Variants in PSG9 observed in about 807,000 individuals in gnomAD.
The protein encoded by PSG9 is pregnancy specific beta-1-glycoprotein 9.
A neutral mutation model predicts 41.9 loss-of-function variants in PSG9; 49 were observed. That is an observed-to-expected ratio of 1.17 (90% CI 0.93 to 1.48). The LOEUF (loss-of-function observed/expected upper bound fraction) is 1.48. Ranked by LOEUF, PSG9 falls within the 40% of genes most tolerant of loss-of-function variation. The pLI is 0.00. For missense variants in PSG9, 641 were observed against 520.3 expected (o/e 1.23, Z -2.26); for synonymous variants, 263 against 196.8 (o/e 1.34, Z -2.82).
Position 43,268,135 on chromosome 19 carries a change from A to G in PSG9, c.79T>C (p.Phe27Leu). The stretch of plus-strand genomic sequence containing the variant: ...TCGGCAGTGGTGGGCGGGTTCCAGA[A>G]GTTTAAAAGTGATGCTAGGAGGGGG... ...GLLLTASLLN[F>L]WNPPTTAEVT... The change falls in exon 2 of 6, where the codon TTC (phenylalanine) becomes CTC (leucine). Residue 27 changes from phenylalanine (F) to leucine (L), a missense_variant. Physicochemically the swap from Phe to Leu is conservative, Grantham distance 22. Coordinates refer to ENST00000270077, the MANE Select transcript of PSG9 (RefSeq NM_002784.5). 1 of 1,605,850 alleles carries G rather than the reference A, an allele frequency of 6.2e-7. No homozygotes were observed. Among genetic ancestry groups the G allele is most frequent in the Non-Finnish European group, 8.5e-7 (1 of 1,176,104 alleles).
At position 43,267,853 on chromosome 19, in the gene PSG9, T is replaced by C. The variant is rs1658765025; in HGVS notation, c.361A>G (p.Thr121Ala). ...TCACCTCGCTTTATGATGTGTAAGGTGTAGGTTCCTGCATCCTTCCGGGTG... is the reference window on the plus strand; with the variant it reads ...TCACCTCGCTTTATGATGTGTAAGGCGTAGGTTCCTGCATCCTTCCGGGTG... Reference protein sequence around the residue: ...NVTRKDAGTYTLHIIKRGDET... With the variant: ...NVTRKDAGTYALHIIKRGDET... Residue 121 changes from threonine (T) to alanine (A), a missense_variant, in exon 2 of 6, where the codon ACC becomes GCC. Physicochemically the swap from Thr to Ala is moderately conservative, Grantham distance 58. Coordinates refer to ENST00000270077, the MANE Select transcript of PSG9 (RefSeq NM_002784.5). The C allele has an allele frequency of 6.2e-7, 1 of 1,613,620 alleles. No homozygotes were observed. Among genetic ancestry groups the C allele is most frequent in the Non-Finnish European group, 8.5e-7 (1 of 1,179,752 alleles).
chr19:43,254,195 G>T (rs954606805), intron 5 of PSG9, among the ~76,000 whole-genome samples: 2 of 146,046 alleles, frequency 1.4e-5, no homozygotes, highest in South Asian at 2.2e-4. Flanking sequence ...TCTCATTTAA[G>T]CCACACAATA....
At chr19:43,257,720 G>A in intron 5 of PSG9, 5 of 1,159,908 alleles carry the variant, frequency 4.3e-6, no homozygotes, top group Non-Finnish European at 5.3e-6. Context: ...GGAGCCCGGA[G>A]CAGAGCAGGA....
intron 2 of PSG9, among the ~76,000 whole-genome samples, chr19:43,266,665 A>G (rs1026515364): frequency 2.6e-5 from 4 of 152,112 alleles, no homozygotes; most frequent in African/African-American, 4.8e-5. Flanking sequence ...TCAGCTGACC[A>G]TTTGCTCTCA....
In PSG9 at chr19:43,259,118, A is replaced by G. The variant is rs1968588527; in HGVS notation, c.727T>C (p.Tyr243His). The part of the protein sequence containing the change: ...LNLLPKLPIP[Y>H]ITINNLNPRE... ...GGGTTTAAGTTGTTGATGGTGATGTAGGGGATGGGCAGCTTCGCTGTGTGG... is the reference window on the plus strand; with the variant it reads ...GGGTTTAAGTTGTTGATGGTGATGTGGGGGATGGGCAGCTTCGCTGTGTGG... The change falls in exon 4 of 6, where the codon TAC (tyrosine) becomes CAC (histidine). Residue 243 changes from tyrosine to histidine, a missense_variant. Physicochemically the swap from Tyr to His is moderately conservative, Grantham distance 83 (BLOSUM62 2). Coordinates refer to ENST00000270077, the MANE Select transcript of PSG9 (RefSeq NM_002784.5). 1.3e-6 allele frequency: 2 copies of G among 1,590,668 alleles called. No individual in the cohort carries two copies. The highest frequency in any genetic ancestry group is 1.7e-6 in the Non-Finnish European group (2 of 1,174,354).
chr19:43,258,726 G>T (rs1168630219), intron 4 of PSG9, 131 bp downstream of exon 4: 4 of 1,448,564 alleles, frequency 2.8e-6, no homozygotes, highest in Non-Finnish European at 3.7e-6. Flanking sequence ...AGGGCAGGGA[G>T]TCATGGCCAC....
In PSG9 at chr19:43,259,249, G is replaced by A. The variant is rs918975639; in HGVS notation, c.710-114C>T. The A allele has an allele frequency of 3.6e-5, 53 of 1,459,800 alleles. 4 individuals carry two copies. The Admixed American group carries it at 1.0e-3, about 28-fold the overall frequency. The allele number at this position is 1,459,800 out of a possible 1,614,324, so 90.4% of individuals were successfully genotyped here. On this transcript the variant is annotated intron_variant, in intron 3 of 5. Transcript: ENST00000270077. ...TCTCAGCCCACCCGAGTCCTTGAAAGCCAATAGCTGGTGCGTGTGTCACAA... is the reference window on the plus strand; with the variant it reads ...TCTCAGCCCACCCGAGTCCTTGAAAACCAATAGCTGGTGCGTGTGTCACAA...
intron 2 of PSG9, among the ~76,000 whole-genome samples, chr19:43,266,142 G>T (rs8110110): frequency 0.13 from 19,584 of 151,184 alleles, 1,799 homozygotes; most frequent in East Asian, 0.36. Flanking sequence ...CAGTGAGGGA[G>T]ACACTGACTT....
intron 3 of PSG9, chr19:43,260,500 T>G (rs1312140741): frequency 1.3e-5 from 2 of 148,282 alleles, no homozygotes; most frequent in African/African-American, 2.5e-5. Context: ...TGCCCTTTTT[T>G]TTTCTCTCAC....
intron 2 of PSG9, among the ~76,000 whole-genome samples, chr19:43,267,431 C>G (rs1054618164): frequency 6.6e-6 from 1 of 152,138 alleles, no homozygotes; most frequent in African/African-American, 2.4e-5. Context: ...CTGAGAGTAT[C>G]TCAGGGGTCC....
chr19:43,267,270 GAC>G, intron 2 of PSG9, among the ~76,000 whole-genome samples: 1 of 152,246 alleles, frequency 6.6e-6, no homozygotes, highest in East Asian at 1.9e-4. Flanking sequence ...AGCTCCAGGA[GAC>G]ACAGTCCTCA....
Position 43,258,342 on chromosome 19 carries a change from A to G in PSG9, c.1103T>C (p.Ile368Thr), listed in dbSNP as rs762275694. The change falls in exon 5 of 6, where the codon ATT (isoleucine) becomes ACT (threonine). Residue 368 changes from isoleucine (I) to threonine (T), a missense_variant. Physicochemically the swap from Ile to Thr is moderately conservative, Grantham distance 89. Coordinates refer to ENST00000270077, the MANE Select transcript of PSG9 (RefSeq NM_002784.5). Reference protein sequence around the residue: ...SNPPAEYFWTINGKFQQSGQK... With the variant: ...SNPPAEYFWTTNGKFQQSGQK... ...TCCTGATTGCTGAAACTTCCCATTA[A>G]TTGTCCAAAAATACTCTGCCGGTGG... is the stretch of plus-strand genomic sequence containing the variant. 254 of 1,592,698 alleles carry G rather than the reference A, an allele frequency of 1.6e-4. 8 individuals are homozygous for G. Among genetic ancestry groups the G allele is most frequent in the Non-Finnish European group, 1.8e-4 (207 of 1,174,548 alleles).
At position 43,253,593 on chromosome 19, in the gene PSG9, G is replaced by C; in HGVS notation, c.*16C>G. 1.3e-6 allele frequency: 1 copy of C among 776,306 alleles called. No homozygotes were observed. Among genetic ancestry groups the C allele is most frequent in the East Asian group, 3.1e-5 (1 of 31,832 alleles). 48.1% of individuals were successfully genotyped at this position (776,306 alleles called of 1,614,324 possible). A position where few individuals can be genotyped will look rare whatever the true frequency, so the allele number is the denominator to read the frequency against. ...GTATCAGCCTGTTCTTTTTCTCAGT[G>C]TCTCAGTTGTTGCAGTCATGACTGA... On this transcript the variant is annotated 3_prime_UTR_variant, in exon 6 of 6. Transcript: ENST00000270077.
Position 43,258,805 on chromosome 19 carries a change from C to T in PSG9, c.988+52G>A, listed in dbSNP as rs368844260. ...GAGACTGAGAGGCCTGGCATCTGGT[C>T]GTTTGGACTTAAGCTGGTGTCCTGG... On this transcript the variant is annotated intron_variant, in intron 4 of 5. Transcript: ENST00000270077. 6.4e-6 allele frequency: 10 copies of T among 1,572,988 alleles called. 2 individuals carry two copies. The highest frequency in any genetic ancestry group is 2.3e-4 in the Middle Eastern group (1 of 4,416).
intron 2 of PSG9, among the ~76,000 whole-genome samples, chr19:43,262,625 C>T (rs548524178): frequency 6.6e-6 from 1 of 152,268 alleles, no homozygotes; most frequent in South Asian, 2.1e-4. Context: ...TATTGGAAAG[C>T]CTGGTCTGGG....
At chr19:43,256,067 G>T (rs1968433888) in intron 5 of PSG9, among the ~76,000 whole-genome samples, 1 of 146,696 alleles carries the variant, frequency 6.8e-6, no homozygotes, top group Non-Finnish European at 1.5e-5. Context: ...GAAGAATGAA[G>T]CTGGAGGACT....
intron 2 of PSG9, among the ~76,000 whole-genome samples, chr19:43,265,132 C>A (rs1489700778): frequency 1.3e-5 from 2 of 152,136 alleles, no homozygotes; most frequent in Non-Finnish European, 2.9e-5. Context: ...TATGGTTTAA[C>A]TTTGAAGCAA....
In PSG9 at chr19:43,267,259, C is replaced by T. The variant is rs1464084356; in HGVS notation, c.430+525G>A. 7.2e-5 allele frequency among the ~76,000 whole-genome samples: 11 copies of T among 152,120 alleles called. 1 individual carries two copies. Among genetic ancestry groups the T allele is most frequent in the South Asian group, 6.2e-4 (3 of 4,830 alleles). On this transcript the variant is annotated intron_variant, in intron 2 of 5. Transcript: ENST00000270077. ...TGAGGGCTGAGCCCTGGCTGGTGAACAGCTCCAGGAGACACAGTCCTCAGA... is the reference window on the plus strand; with the variant it reads ...TGAGGGCTGAGCCCTGGCTGGTGAATAGCTCCAGGAGACACAGTCCTCAGA...
intron 2 of PSG9, among the ~76,000 whole-genome samples, chr19:43,264,732 T>A (rs1220436426): frequency 6.6e-6 from 1 of 152,192 alleles, no homozygotes; most frequent in Non-Finnish European, 1.5e-5. Flanking sequence ...GATTATAGGC[T>A]TGAGCCACTG....
Sources: gnomAD v4.1 joint callset for allele counts (sites outside exome capture counted in the v4.1 genomes callset) on GRCh38, gnomAD v4.1.1 for gene constraint, MANE v1.5 for transcripts, NCBI Gene and HGNC (gene_info 2026-07-23, HGNC 2026-07-21) for gene names.